TAFA2: variants seen among roughly 807,000 people sequenced by gnomAD.
The protein encoded by TAFA2 is TAFA chemokine like family member 2.
TAFA2 carries 7 observed loss-of-function variants against 18.8 expected under a neutral mutation model. The observed-to-expected ratio is 0.37, with a 90% confidence interval of 0.21 to 0.70. The LOEUF is 0.70. Among genes scored for constraint, TAFA2 ranks in the 30% least tolerant of loss-of-function variants. The probability of loss-of-function intolerance (pLI) is 0.53; values close to 1 mark genes in which losing one functional copy is unlikely to be tolerated. For synonymous variants in TAFA2, 60 were observed against 54.2 expected (o/e 1.11, Z -0.47); for missense variants, 122 against 158.1 (o/e 0.77, Z 1.23).
chr12:61,923,178 T>A (rs1169966033), intron 1 of TAFA2, among the ~76,000 whole-genome samples: 1 of 152,122 alleles, frequency 6.6e-6, no homozygotes, highest in East Asian at 1.9e-4. Flanking sequence ...CTTCAGCAGA[T>A]GTTCCTGCCT....
At position 62,036,144 on chromosome 12, in the gene TAFA2, G is replaced by GT. The variant is rs202182340; in HGVS notation, c.-2+155114dup. ...CAATAGAACCCGTTTCCCATACCCA[G>GT]TTGTGAGAACCAAACATGACTCCAG... On this transcript the variant is annotated intron_variant, in intron 1 of 4. Coordinates refer to ENST00000416284, the MANE Select transcript of TAFA2 (RefSeq NM_178539.5). 6.4e-3 allele frequency among the ~76,000 whole-genome samples: 968 copies of GT among 152,152 alleles called. 9 individuals carry two copies. Among genetic ancestry groups the GT allele is most frequent in the African/African-American group, 0.022 (916 of 41,500 alleles).
intron 2 of TAFA2, among the ~76,000 whole-genome samples, chr12:61,775,592 G>C (rs138676202): frequency 6.6e-6 from 1 of 151,820 alleles, no homozygotes; most frequent in Non-Finnish European, 1.5e-5. Context: ...TTCTGGAAAA[G>C]GAGAAACTAT....
chr12:61,900,729 C>T (rs1184651039), intron 1 of TAFA2, among the ~76,000 whole-genome samples: 1 of 152,152 alleles, frequency 6.6e-6, no homozygotes, highest in Non-Finnish European at 1.5e-5. Context: ...AACTACAATT[C>T]AAGATGAGAT....
chr12:61,991,744 T>C (rs1880018879), intron 1 of TAFA2, among the ~76,000 whole-genome samples: 3 of 152,210 alleles, frequency 2.0e-5, no homozygotes, highest in Non-Finnish European at 1.5e-5. Context: ...TGTTTTATTC[T>C]CTCTTGAACT....
chr12:61,970,403 C>T (rs922323718), intron 1 of TAFA2, among the ~76,000 whole-genome samples: 11 of 151,270 alleles, frequency 7.3e-5, no homozygotes, highest in Non-Finnish European at 1.2e-4. Flanking sequence ...AATACAATGT[C>T]GGAAGCTATA....
chr12:62,118,963 C>A (rs991781012), intron 1 of TAFA2, among the ~76,000 whole-genome samples: 1 of 151,996 alleles, frequency 6.6e-6, no homozygotes, highest in Non-Finnish European at 1.5e-5. Flanking sequence ...TATGTCTTTT[C>A]TTTTATAGTT....
At chr12:62,133,493 A>C (rs895973692) in intron 1 of TAFA2, among the ~76,000 whole-genome samples, 4 of 149,970 alleles carry the variant, frequency 2.7e-5, no homozygotes, top group African/African-American at 9.7e-5. Context: ...GAACTAAAAG[A>C]AGGGTAGAAA....
At chr12:62,247,590 T>C (rs1032638626) in intron 1 of TAFA2, among the ~76,000 whole-genome samples, 8 of 152,216 alleles carry the variant, frequency 5.3e-5, no homozygotes, top group African/African-American at 1.4e-4. Context: ...ACAGTACCTT[T>C]GACTACACAA....
upstream of TAFA2, among the ~76,000 whole-genome samples, chr12:62,196,240 G>C (rs181764103): frequency 1.3e-5 from 2 of 152,282 alleles, no homozygotes; most frequent in East Asian, 3.9e-4. Flanking sequence ...TGTTGTGGCT[G>C]GTTTGATTTT....
intron 1 of TAFA2, among the ~76,000 whole-genome samples, chr12:62,005,054 G>A (rs1264992589): frequency 6.6e-6 from 1 of 152,002 alleles, no homozygotes; most frequent in East Asian, 1.9e-4. Context: ...GAGAGATGTA[G>A]GTCAAAGAGT....
chr12:62,103,536 G>T (rs1323838815), intron 1 of TAFA2, among the ~76,000 whole-genome samples: 14 of 152,162 alleles, frequency 9.2e-5, no homozygotes, highest in Admixed American at 9.2e-4. Context: ...GAGGTCAGGA[G>T]TTCGAGACCA....
At chr12:61,777,676 C>A (rs1306505376) in intron 2 of TAFA2, among the ~76,000 whole-genome samples, 2 of 150,964 alleles carry the variant, frequency 1.3e-5, no homozygotes, top group Admixed American at 6.6e-5. Context: ...GTAACCTTTG[C>A]CAAGGTTACT....
chr12:62,119,899 C>T (rs1012705149), intron 1 of TAFA2, among the ~76,000 whole-genome samples: 1 of 151,826 alleles, frequency 6.6e-6, no homozygotes, highest in African/African-American at 2.4e-5. Context: ...CATGGAGAAA[C>T]CCTATCTCTA....
chr12:61,871,593 G>A (rs1157739603), intron 1 of TAFA2, among the ~76,000 whole-genome samples: 2 of 152,220 alleles, frequency 1.3e-5, no homozygotes, highest in Non-Finnish European at 2.9e-5. Flanking sequence ...CAGCTTGCAA[G>A]GAGCACAAGG....
intron 1 of TAFA2, among the ~76,000 whole-genome samples, chr12:62,129,949 AAAT>A (rs1294785033): frequency 1.3e-5 from 2 of 152,180 alleles, no homozygotes; most frequent in African/African-American, 4.8e-5. Flanking sequence ...CATTCTGGAT[AAAT>A]AATAAGTTTT....
intron 1 of TAFA2, among the ~76,000 whole-genome samples, chr12:62,212,993 T>C (rs529498910): frequency 6.6e-6 from 1 of 152,346 alleles, no homozygotes; most frequent in South Asian, 2.1e-4. Flanking sequence ...CTTTGCTTCA[T>C]ATGCTAGTTC....
intron 1 of TAFA2, among the ~76,000 whole-genome samples, chr12:61,928,890 C>T (rs1005934932): frequency 6.6e-6 from 1 of 152,068 alleles, no homozygotes; most frequent in Non-Finnish European, 1.5e-5. Flanking sequence ...TCATCATTCT[C>T]AGCAAACTAA....
intron 1 of TAFA2, among the ~76,000 whole-genome samples, chr12:62,181,999 C>A (rs570520606): frequency 6.7e-6 from 1 of 150,284 alleles, no homozygotes; most frequent in Non-Finnish European, 1.5e-5. Flanking sequence ...ATCCCCCCCC[C>A]GCTACACATA....
intron 4 of TAFA2, among the ~76,000 whole-genome samples, chr12:61,732,574 C>T (rs1305262799): frequency 6.6e-6 from 1 of 152,008 alleles, no homozygotes; most frequent in Non-Finnish European, 1.5e-5. Context: ...GCATGAGAGA[C>T]AATGCAGACC....
Sources: gnomAD v4.1 joint callset for allele counts (sites outside exome capture counted in the v4.1 genomes callset) on GRCh38, gnomAD v4.1.1 for gene constraint, MANE v1.5 for transcripts, NCBI Gene and HGNC (gene_info 2026-07-23, HGNC 2026-07-21) for gene names.